Variants in ROR1 observed in about 807,000 individuals in gnomAD.
ROR1 encodes the protein inactive tyrosine-protein kinase transmembrane receptor ROR1.
In ROR1, 19 loss-of-function variants were observed where a neutral mutation model predicts 78.8. The ratio of observed to expected loss-of-function variants is 0.24; its 90% CI spans 0.17 to 0.35. The LOEUF is 0.35. Among genes scored for constraint, ROR1 ranks in the 10% least tolerant of loss-of-function variants. The probability of loss-of-function intolerance (pLI) is 1.00; values close to 1 mark genes in which losing one functional copy is unlikely to be tolerated. For missense variants in ROR1, 917 were observed against 1,177.8 expected, an observed-to-expected ratio of 0.78 and a Z score of 3.24; for synonymous variants, 386 against 433.6, an observed-to-expected ratio of 0.89 and a Z score of 1.36.
At chr1:63,907,989 ATCT>A (rs1258258611) in intron 1 of ROR1, among the ~76,000 whole-genome samples, 1 of 152,110 alleles carries the variant, frequency 6.6e-6, no homozygotes, top group African/African-American at 2.4e-5. Context: ...AACTTTTCTG[ATCT>A]TCTTCACTCC....
intron 1 of ROR1, among the ~76,000 whole-genome samples, chr1:63,826,950 TA>T (rs559827561): frequency 3.4e-4 from 51 of 152,026 alleles, no homozygotes; most frequent in Middle Eastern, 3.4e-3. Context: ...ATAGACTGGA[TA>T]AAAAAAATTT....
At chr1:63,952,182 G>A (rs908413211) in intron 1 of ROR1, among the ~76,000 whole-genome samples, 3 of 152,168 alleles carry the variant, frequency 2.0e-5, no homozygotes, top group Non-Finnish European at 4.4e-5. Context: ...TCACAGTTCT[G>A]GTCTGAGCTG....
intron 4 of ROR1, among the ~76,000 whole-genome samples, chr1:64,133,001 G>T (rs1286723165): frequency 6.6e-6 from 1 of 151,954 alleles, no homozygotes; most frequent in Non-Finnish European, 1.5e-5. Flanking sequence ...TAGTTCTATT[G>T]GCCTGTCAGT....
At chr1:64,077,376 G>T (rs1647058961) in intron 4 of ROR1, among the ~76,000 whole-genome samples, 1 of 152,184 alleles carries the variant, frequency 6.6e-6, no homozygotes, top group Non-Finnish European at 1.5e-5. Flanking sequence ...ACGTTCTTTT[G>T]AGGGCTTTCA....
At chr1:63,833,118 G>A (rs1644998937) in intron 1 of ROR1, among the ~76,000 whole-genome samples, 1 of 152,222 alleles carries the variant, frequency 6.6e-6, no homozygotes, top group Non-Finnish European at 1.5e-5. Flanking sequence ...GAACTCATAT[G>A]TTGTGTTATA....
intron 2 of ROR1, among the ~76,000 whole-genome samples, chr1:64,040,256 C>G (rs967468049): frequency 6.6e-6 from 1 of 152,104 alleles, no homozygotes; most frequent in Non-Finnish European, 1.5e-5. Flanking sequence ...CACCAAAACT[C>G]AAGGACCAAT....
At chr1:63,899,342 A>G (rs557925959) in intron 1 of ROR1, among the ~76,000 whole-genome samples, 1 of 152,262 alleles carries the variant, frequency 6.6e-6, no homozygotes, top group South Asian at 2.1e-4. Context: ...CAGCACGTTG[A>G]TAGTTGTGTC....
intron 1 of ROR1, among the ~76,000 whole-genome samples, chr1:63,844,369 T>C (rs1645067783): frequency 6.6e-6 from 1 of 152,210 alleles, no homozygotes; most frequent in Admixed American, 6.5e-5. Context: ...GTTAGGCACA[T>C]CCTCTTCCTT....
At chr1:64,062,562 C>T (rs1397144200) in intron 4 of ROR1, among the ~76,000 whole-genome samples, 3 of 152,120 alleles carry the variant, frequency 2.0e-5, no homozygotes, top group South Asian at 2.1e-4. Context: ...CTGCCCACCT[C>T]GACCTCCCAA....
intron 4 of ROR1, among the ~76,000 whole-genome samples, chr1:64,133,177 G>T (rs1226780534): frequency 1.3e-5 from 2 of 152,250 alleles, no homozygotes; most frequent in Non-Finnish European, 2.9e-5. Flanking sequence ...GAGAACGAGG[G>T]GGTGGAGGGC....
In ROR1 at chr1:64,002,131, CTTTT is replaced by C. The variant is rs34252630; in HGVS notation, c.92-7156_92-7153del. ...AGAAGGTGTTAGGGACCAGTTCAACCTTTTTTTTTTTTTTTTTTTTTGAGACGGA... is the reference window on the plus strand; with the variant it reads ...AGAAGGTGTTAGGGACCAGTTCAACCTTTTTTTTTTTTTTTTTGAGACGGA... On this transcript the variant is annotated intron_variant, in intron 1 of 8. Coordinates refer to ENST00000371079, the MANE Select transcript of ROR1 (RefSeq NM_005012.4). Among the ~76,000 whole-genome samples the C allele has an allele frequency of 4.3e-3, 460 of 105,916 alleles. 4 individuals are homozygous for C. Among genetic ancestry groups the C allele is most frequent in the East Asian group, 8.2e-3 (26 of 3,154 alleles). The allele number at this position is 105,916 out of a possible 152,430, so 69.5% of individuals were successfully genotyped here.
chr1:64,086,460 A>G (rs1407503448), intron 4 of ROR1, among the ~76,000 whole-genome samples: 1 of 152,218 alleles, frequency 6.6e-6, no homozygotes, highest in African/African-American at 2.4e-5. Flanking sequence ...GACACAACTG[A>G]CAATGTTCCT....
chr1:64,074,415 T>A (rs766561827), intron 4 of ROR1, among the ~76,000 whole-genome samples: 3 of 151,550 alleles, frequency 2.0e-5, no homozygotes, highest in Non-Finnish European at 4.4e-5. Flanking sequence ...GAGGGAGAGG[T>A]TGATGTGGGT....
intron 1 of ROR1, among the ~76,000 whole-genome samples, chr1:63,855,446 C>A (rs1645142008): frequency 6.6e-6 from 1 of 152,112 alleles, no homozygotes. Context: ...TATATTAGGC[C>A]AGTTGAAGTT....
chr1:64,158,940 TAA>T, intron 7 of ROR1, 39 bp from the exon 8 acceptor site: 1 of 1,437,880 alleles, frequency 7.0e-7, no homozygotes, highest in Non-Finnish European at 9.8e-7. Flanking sequence ...CATGTTACTT[TAA>T]AGAGTATAAC....
chr1:63,794,629 T>C (rs1644747818), intron 1 of ROR1, among the ~76,000 whole-genome samples: 1 of 152,210 alleles, frequency 6.6e-6, no homozygotes, highest in South Asian at 2.1e-4. Flanking sequence ...ACCGCAGTGA[T>C]GGAATCACCT....
intron 1 of ROR1, among the ~76,000 whole-genome samples, chr1:63,944,399 C>T (rs994377893): frequency 6.6e-6 from 1 of 152,138 alleles, no homozygotes; most frequent in Non-Finnish European, 1.5e-5. Flanking sequence ...GCAGATAATC[C>T]CTGGCCATGG....
At chr1:63,966,078 A>G (rs999600417) in intron 1 of ROR1, among the ~76,000 whole-genome samples, 2 of 152,220 alleles carry the variant, frequency 1.3e-5, no homozygotes, top group Non-Finnish European at 2.9e-5. Context: ...ACACAGGGCA[A>G]ATGCTGAACA....
chr1:64,049,885 A>ACCACAGACACAGAC lies in ROR1; in HGVS notation c.358_359insCCACAGACACAGAC (p.Asn120ThrfsTer84). On this transcript the variant is annotated frameshift_variant, in exon 3 of 9. Transcript: ENST00000371079. LOFTEE classifies it high-confidence loss of function. Reference sequence around the variant, plus strand: ...CTATGGCTCTCGGCTGCGGATTAGAAACCTCGACACCACAGACACAGGCTA... The same window carrying ACCACAGACACAGAC: ...CTATGGCTCTCGGCTGCGGATTAGAACCACAGACACAGACACCTCGACACCACAGACACAGGCTA... 6.2e-7 allele frequency: 1 copy of ACCACAGACACAGAC among 1,614,142 alleles called. No individual in the cohort carries two copies. Among genetic ancestry groups the ACCACAGACACAGAC allele is most frequent in the Non-Finnish European group, 8.5e-7 (1 of 1,180,028 alleles).
Sources: gnomAD v4.1 joint callset for allele counts (sites outside exome capture counted in the v4.1 genomes callset) on GRCh38, gnomAD v4.1.1 for gene constraint, MANE v1.5 for transcripts, NCBI Gene and HGNC (gene_info 2026-07-23, HGNC 2026-07-21) for gene names.